Variants in RANBP17 observed in about 807,000 individuals in gnomAD.
The protein encoded by RANBP17 is ran-binding protein 17.
In RANBP17, 158 loss-of-function variants were observed where a neutral mutation model predicts 141.2. That is an observed-to-expected ratio of 1.12 (90% CI 0.98 to 1.28). The LOEUF is 1.28. Ranked by LOEUF, RANBP17 falls within the 50% of genes most tolerant of loss-of-function variation. The probability of loss-of-function intolerance (pLI) is 0.00; values close to 1 mark genes in which losing one functional copy is unlikely to be tolerated. For synonymous variants in RANBP17, 430 were observed against 450.0 expected, an observed-to-expected ratio of 0.96 and a Z score of 0.56; for missense variants, 1,438 against 1,290.7, an observed-to-expected ratio of 1.11 and a Z score of -1.75.
intron 14 of RANBP17, among the ~76,000 whole-genome samples, chr5:171,008,715 C>G (rs1779828107): frequency 6.6e-6 from 1 of 152,124 alleles, no homozygotes; most frequent in Non-Finnish European, 1.5e-5. Context: ...AAACAAATCA[C>G]AAGGGTGGAA....
In RANBP17 at chr5:170,892,567, G is replaced by A; in HGVS notation, c.423+14G>A. 1.2e-6 allele frequency: 2 copies of A among 1,609,048 alleles called. No homozygotes were observed. Among genetic ancestry groups the A allele is most frequent in the Non-Finnish European group, 8.5e-7 (1 of 1,177,238 alleles). ...AAGTTTCTCCAGGTAAGAAGTCATT[G>A]CTACATGGTTAGAACATCACTACTT... On this transcript the variant is annotated intron_variant, in intron 4 of 27. Transcript: ENST00000523189.
At chr5:171,015,260 C>T (rs1362208076) in intron 14 of RANBP17, among the ~76,000 whole-genome samples, 1 of 152,054 alleles carries the variant, frequency 6.6e-6, no homozygotes, top group African/African-American at 2.4e-5. Flanking sequence ...GTTCCTCCCC[C>T]TTCACTTTCT....
chr5:170,905,327 T>TA (rs1419168607), intron 5 of RANBP17, among the ~76,000 whole-genome samples: 1 of 152,180 alleles, frequency 6.6e-6, no homozygotes, highest in African/African-American at 2.4e-5. Context: ...TCTTGAGTGA[T>TA]ATGTGTTTGC....
chr5:171,287,432 G>C (rs1025958296), intron 25 of RANBP17, among the ~76,000 whole-genome samples: 45 of 151,142 alleles, frequency 3.0e-4, no homozygotes, highest in African/African-American at 1.0e-3. Context: ...GGAGGTTGCA[G>C]CAAGCCGAGA....
intron 14 of RANBP17, among the ~76,000 whole-genome samples, chr5:171,036,837 C>T (rs1334499332): frequency 6.6e-6 from 1 of 152,182 alleles, no homozygotes; most frequent in East Asian, 1.9e-4. Context: ...CCCAGTCCAT[C>T]ATTGATGAAC....
chr5:171,053,707 C>A (rs533065696), intron 14 of RANBP17, among the ~76,000 whole-genome samples: 10 of 150,750 alleles, frequency 6.6e-5, no homozygotes, highest in South Asian at 6.3e-4. Context: ...AATTTGTAAG[C>A]CATTTATTTA....
chr5:170,946,698 C>G (rs561063343), intron 12 of RANBP17, among the ~76,000 whole-genome samples: 2 of 152,152 alleles, frequency 1.3e-5, no homozygotes, highest in African/African-American at 4.8e-5. Flanking sequence ...TGACACTGAA[C>G]TCATAGCCAG....
intron 20 of RANBP17, among the ~76,000 whole-genome samples, chr5:171,211,794 A>C (rs767725453): frequency 1.3e-5 from 2 of 152,088 alleles, no homozygotes; most frequent in Non-Finnish European, 2.9e-5. Flanking sequence ...TGCTTTTTGC[A>C]CTTTTAGGAA....
chr5:171,130,922 ACTATAGTATACATG>A (rs1756875423), intron 14 of RANBP17, among the ~76,000 whole-genome samples: 1 of 152,154 alleles, frequency 6.6e-6, no homozygotes, highest in African/African-American at 2.4e-5. Flanking sequence ...TTATAATAAA[ACTATAGTATACATG>A]TTTATGATTA....
Position 170,992,431 on chromosome 5 carries a change from G to A in RANBP17, c.1710+24054G>A, listed in dbSNP as rs144244021. Among the ~76,000 whole-genome samples, 49 of 152,102 alleles carry A rather than the reference G, an allele frequency of 3.2e-4. No homozygotes were observed. In the East Asian group the frequency reaches 8.7e-3, roughly 27 times the overall value. On this transcript the variant is annotated intron_variant, in intron 14 of 27. Coordinates refer to ENST00000523189, the MANE Select transcript of RANBP17 (RefSeq NM_022897.5). ...CAGAAAATAATTTGAATAGGAAAGA[G>A]GAGAGAGCAGGAAAGACATTTCATA...
intron 14 of RANBP17, among the ~76,000 whole-genome samples, chr5:171,163,218 G>A (rs76453215): frequency 1.3e-5 from 2 of 152,216 alleles, no homozygotes; most frequent in Middle Eastern, 3.4e-3. Flanking sequence ...TATTTGAAAC[G>A]ATATGGAAAA....
chr5:171,089,501 C>T (rs1264921917), intron 14 of RANBP17, among the ~76,000 whole-genome samples: 1 of 152,074 alleles, frequency 6.6e-6, no homozygotes, highest in Admixed American at 6.5e-5. Context: ...CTCGAGCTTC[C>T]CGGCTGCTTT....
chr5:170,927,893 G>C (rs1030944993), intron 12 of RANBP17, among the ~76,000 whole-genome samples: 14 of 152,046 alleles, frequency 9.2e-5, no homozygotes, highest in Admixed American at 2.6e-4. Context: ...AGGTACCTAA[G>C]ATGAGTGCTG....
At chr5:170,868,210 G>C (rs771079133) in intron 1 of RANBP17, among the ~76,000 whole-genome samples, 5 of 152,192 alleles carry the variant, frequency 3.3e-5, no homozygotes, top group Non-Finnish European at 7.4e-5. Context: ...TTACATCATT[G>C]TCTCCTAGGG....
chr5:170,996,226 T>C (rs985052443), intron 14 of RANBP17, among the ~76,000 whole-genome samples: 3 of 152,166 alleles, frequency 2.0e-5, no homozygotes, highest in Non-Finnish European at 1.5e-5. Context: ...CTCACGGTTA[T>C]TAAGTGTTAG....
intron 22 of RANBP17, among the ~76,000 whole-genome samples, chr5:171,240,453 G>A (rs1029718149): frequency 2.0e-5 from 3 of 152,064 alleles, no homozygotes; most frequent in Non-Finnish European, 2.9e-5. Flanking sequence ...AAACCTGTGA[G>A]GCTCCTAAAA....
chr5:171,050,094 C>T (rs566366021), intron 14 of RANBP17, among the ~76,000 whole-genome samples: 13 of 152,186 alleles, frequency 8.5e-5, no homozygotes, highest in Admixed American at 2.6e-4. Flanking sequence ...TCTTCCTATC[C>T]GTGAACATGG....
At chr5:171,256,350 A>C (rs1765893408) in intron 24 of RANBP17, among the ~76,000 whole-genome samples, 1 of 152,236 alleles carries the variant, frequency 6.6e-6, no homozygotes, top group African/African-American at 2.4e-5. Context: ...TAAAGCATTT[A>C]AGGTTCTTGA....
intron 13 of RANBP17, among the ~76,000 whole-genome samples, chr5:170,953,981 T>TA (rs1324872487): frequency 2.0e-5 from 3 of 152,162 alleles, no homozygotes; most frequent in African/African-American, 7.2e-5. Flanking sequence ...AGCAAGCACA[T>TA]ACAGTTGGTG....
Sources: allele counts gnomAD v4.1 joint callset (sites outside exome capture counted in the v4.1 genomes callset), GRCh38; gene constraint gnomAD v4.1.1; transcripts MANE v1.5; gene names NCBI Gene and HGNC (gene_info 2026-07-23, HGNC 2026-07-21).